The following EXT1 variants were observed in gnomAD, a reference collection of about 807,000 sequenced individuals.
The protein encoded by EXT1 is exostosin-1.
EXT1 carries 20 observed loss-of-function variants against 82.5 expected under a neutral mutation model. That is an observed-to-expected ratio of 0.24 (90% CI 0.17 to 0.35). The LOEUF is 0.35. Ranked by LOEUF, EXT1 falls within the 10% of genes least tolerant of loss-of-function variation. EXT1 has a pLI of 1.00. For synonymous variants in EXT1, 348 were observed against 350.8 expected (o/e 0.99, Z 0.09); for missense variants, 757 against 936.5 (o/e 0.81, Z 2.50).
intron 1 of EXT1, among the ~76,000 whole-genome samples, chr8:118,104,676 T>C (rs2130029831): frequency 1.3e-5 from 2 of 152,346 alleles, no homozygotes; most frequent in South Asian, 4.1e-4. Flanking sequence ...TTGAGATATC[T>C]GCATTGTATA....
intron 1 of EXT1, among the ~76,000 whole-genome samples, chr8:118,028,652 G>T (rs1048579605): frequency 6.6e-6 from 1 of 152,046 alleles, no homozygotes; most frequent in Non-Finnish European, 1.5e-5. Context: ...TAAGCCAGCC[G>T]GGCGTGGTGG....
chr8:118,088,742 A>G (rs1375353803), intron 1 of EXT1, among the ~76,000 whole-genome samples: 1 of 151,762 alleles, frequency 6.6e-6, no homozygotes, highest in Non-Finnish European at 1.5e-5. Flanking sequence ...AAATCATGGT[A>G]AAACCCATTC....
intron 6 of EXT1, 81 bp downstream of exon 6, chr8:117,819,594 CG>C: frequency 2.5e-6 from 3 of 1,204,396 alleles, no homozygotes; most frequent in South Asian, 2.4e-5. Context: ...CTGGGGAGCC[CG>C]GGGGATAACA....
Position 118,015,196 on chromosome 8 carries a change from G to A in EXT1, c.962+94889C>T, listed in dbSNP as rs117699577. 3.3e-5 allele frequency among the ~76,000 whole-genome samples: 5 copies of A among 152,320 alleles called. No individual in the cohort carries two copies. In the East Asian group the frequency reaches 9.6e-4, roughly 29 times the overall value. On this transcript the variant is annotated intron_variant, in intron 1 of 10. Transcript: ENST00000378204. Reference sequence around the variant, plus strand: ...CTTTAAACTGCTGGATCAGTAAGCTGCTTACAGCCTTGCAAGCGCTGACGC... The same window carrying A: ...CTTTAAACTGCTGGATCAGTAAGCTACTTACAGCCTTGCAAGCGCTGACGC...
At chr8:118,094,545 T>C (rs952663776) in intron 1 of EXT1, among the ~76,000 whole-genome samples, 1 of 152,242 alleles carries the variant, frequency 6.6e-6, no homozygotes, top group South Asian at 2.1e-4. Flanking sequence ...ACAGTAACAA[T>C]AGTTTCTTAT....
At chr8:118,019,093 G>GAAA (rs66876388) in intron 1 of EXT1, among the ~76,000 whole-genome samples, 3 of 146,492 alleles carry the variant, frequency 2.0e-5, no homozygotes, top group African/African-American at 5.0e-5. Flanking sequence ...AGGAAAAAAA[G>GAAA]AAAAAAAAAA....
chr8:117,894,247 C>T (rs184758811), intron 1 of EXT1, among the ~76,000 whole-genome samples: 1 of 151,740 alleles, frequency 6.6e-6, no homozygotes, highest in African/African-American at 2.4e-5. Context: ...CTATATTGTC[C>T]AGGCTGGTCT....
chr8:117,964,650 TTTG>T (rs1347753853), intron 1 of EXT1, among the ~76,000 whole-genome samples: 4 of 151,756 alleles, frequency 2.6e-5, no homozygotes, highest in East Asian at 1.9e-4. Flanking sequence ...TGTTTGTTTG[TTTG>T]TTTTTTGTTT....
At chr8:118,096,998 T>C (rs1030598111) in intron 1 of EXT1, among the ~76,000 whole-genome samples, 1 of 152,194 alleles carries the variant, frequency 6.6e-6, no homozygotes, top group Non-Finnish European at 1.5e-5. Flanking sequence ...CAGTCGGGCA[T>C]GGTGCTGAGG....
At chr8:118,095,433 C>T (rs954248796) in intron 1 of EXT1, among the ~76,000 whole-genome samples, 2 of 152,162 alleles carry the variant, frequency 1.3e-5, no homozygotes, top group Non-Finnish European at 2.9e-5. Flanking sequence ...CAATAAAAGA[C>T]TGACTGCCCT....
In EXT1 at chr8:117,818,457, A is replaced by G; in HGVS notation, c.1610T>C (p.Val537Ala). 1.2e-6 allele frequency: 2 copies of G among 1,614,176 alleles called. No individual in the cohort carries two copies. Among genetic ancestry groups the G allele is most frequent in the Non-Finnish European group, 8.5e-7 (1 of 1,180,022 alleles). Residue 537 changes from valine to alanine, a missense_variant, in exon 7 of 11, where the codon GTC becomes GCC. Coordinates refer to ENST00000378204, the MANE Select transcript of EXT1 (RefSeq NM_000127.3). ...TACCTTGCTCTCTCCTTCAATGACG[A>G]CGACAGGCACAGCAGTGGCAGGCCA... is the stretch of plus-strand genomic sequence containing the variant. ...HRWPATAVPV[V>A]VIEGESKVMS...
chr8:117,897,591 C>CTTTTTTCTTT (rs1813365092), intron 1 of EXT1, among the ~76,000 whole-genome samples: 1 of 90,656 alleles, frequency 1.1e-5, no homozygotes, highest in Non-Finnish European at 2.0e-5. Flanking sequence ...CTTCTTTTCT[C>CTTTTTTCTTT]TTTTTTTTTT....
At chr8:117,817,924 T>G (rs896248936) in intron 7 of EXT1, among the ~76,000 whole-genome samples, 5 of 152,200 alleles carry the variant, frequency 3.3e-5, no homozygotes, top group Admixed American at 6.5e-5. Context: ...TATGTAGCAC[T>G]CATGAGAATC....
At chr8:117,976,058 G>A (rs1392169990) in intron 1 of EXT1, among the ~76,000 whole-genome samples, 3 of 152,144 alleles carry the variant, frequency 2.0e-5, no homozygotes, top group Admixed American at 2.0e-4. Context: ...AAATGACATT[G>A]GTAACTTAAA....
At chr8:118,004,218 T>C (rs1815729554) in intron 1 of EXT1, among the ~76,000 whole-genome samples, 1 of 152,238 alleles carries the variant, frequency 6.6e-6, no homozygotes, top group African/African-American at 2.4e-5. Context: ...AGAATGTCAA[T>C]TCCAAGAAGA....
At chr8:118,023,311 A>G (rs1157345619) in intron 1 of EXT1, among the ~76,000 whole-genome samples, 1 of 152,248 alleles carries the variant, frequency 6.6e-6, no homozygotes, top group Non-Finnish European at 1.5e-5. Flanking sequence ...TTAATTATAA[A>G]TAACTCAGGA....
chr8:117,963,776 C>G (rs1430974984), intron 1 of EXT1, among the ~76,000 whole-genome samples: 3 of 152,206 alleles, frequency 2.0e-5, no homozygotes, highest in African/African-American at 7.2e-5. Flanking sequence ...AGGCATGAGC[C>G]ACTGCACCCG....
intron 1 of EXT1, among the ~76,000 whole-genome samples, chr8:117,982,014 T>G (rs1350903286): frequency 1.3e-5 from 2 of 152,218 alleles, no homozygotes; most frequent in Non-Finnish European, 2.9e-5. Context: ...GAGATTTCCC[T>G]CAATGATTAG....
chr8:118,063,992 G>A (rs1055215148), intron 1 of EXT1, among the ~76,000 whole-genome samples: 4 of 151,970 alleles, frequency 2.6e-5, no homozygotes, highest in African/African-American at 4.8e-5. Flanking sequence ...TCAGCCGCCC[G>A]AGTAGGTGGT....
Sources: allele counts gnomAD v4.1 joint callset (sites outside exome capture counted in the v4.1 genomes callset), GRCh38; gene constraint gnomAD v4.1.1; transcripts MANE v1.5; gene names NCBI Gene and HGNC (gene_info 2026-07-23, HGNC 2026-07-21).